The following KCNQ2 variants were observed in gnomAD, a reference collection of about 807,000 sequenced individuals.
The protein encoded by KCNQ2 is potassium voltage-gated channel subfamily KQT member 2.
Under a neutral mutation model 84.8 loss-of-function variants are expected in KCNQ2, and 14 were observed. The ratio of observed to expected loss-of-function variants is 0.17; its 90% CI spans 0.11 to 0.26. The LOEUF (loss-of-function observed/expected upper bound fraction) is 0.26, where lower values mean the gene tolerates loss of function less well. KCNQ2 is among the 10% of genes least tolerant of loss of function. The pLI, the probability that KCNQ2 is intolerant of heterozygous loss-of-function variation, is 1.00. For missense variants in KCNQ2, 788 were observed against 1,254.0 expected (o/e 0.63, Z 5.61); for synonymous variants, 599 against 554.1 (o/e 1.08, Z -1.14).
chr20:63,410,607 G>A (rs1008893936), intron 15 of KCNQ2, among the ~76,000 whole-genome samples: 1 of 152,150 alleles, frequency 6.6e-6, no homozygotes, highest in Non-Finnish European at 1.5e-5. Context: ...AACTCCGTCC[G>A]GGGCTACCCT....
chr20:63,413,039 C>T (rs2080168577), intron 15 of KCNQ2, among the ~76,000 whole-genome samples: 1 of 152,130 alleles, frequency 6.6e-6, no homozygotes, highest in Admixed American at 6.5e-5. Context: ...ATTCCATCCC[C>T]AACACACATG....
intron 10 of KCNQ2, among the ~76,000 whole-genome samples, chr20:63,427,327 A>G (rs6089911): frequency 0.3 from 45,072 of 152,280 alleles, 7,565 homozygotes; most frequent in Non-Finnish European, 0.39. Context: ...TCCACGCATG[A>G]ACCTGTGATT....
Position 63,405,044 on chromosome 20 carries a change from AG to A in KCNQ2, c.*1599del, listed in dbSNP as rs2079896833. The A allele has an allele frequency of 6.6e-6, 1 of 152,310 alleles. No homozygotes were observed. The highest frequency in any genetic ancestry group is 1.5e-5 in the Non-Finnish European group (1 of 68,128). 9.4% of individuals were successfully genotyped at this position (152,310 alleles called of 1,614,324 possible). ...CTGAGCGCCAGGACCCCCACCAGCC[AG>A]GGGCGTACGACCCTCAAATGCTGCT... On this transcript the variant is annotated 3_prime_UTR_variant, in exon 17 of 17. Coordinates refer to ENST00000359125, the MANE Select transcript of KCNQ2 (RefSeq NM_172107.4).
At position 63,401,050 on chromosome 20, in the gene KCNQ2, C is replaced by T. The variant is rs901322369; in HGVS notation, c.*5594G>A. The stretch of plus-strand genomic sequence containing the variant: ...CCGGGGACCGGCCCCTCCTTGCTGG[C>T]GCCTGGCCGAGAGTCAGACGCTGAG... On this transcript the variant is annotated 3_prime_UTR_variant, in exon 17 of 17. Transcript: ENST00000359125. The T allele has an allele frequency of 7.1e-5, 28 of 395,096 alleles. No individual in the cohort carries two copies. Among genetic ancestry groups the T allele is most frequent in the African/African-American group, 1.0e-4 (5 of 48,670 alleles). 24.5% of individuals were successfully genotyped at this position (395,096 alleles called of 1,614,324 possible). A position where few individuals can be genotyped will look rare whatever the true frequency, so the allele number is the denominator to read the frequency against.
At chr20:63,444,615 G>T in intron 4 of KCNQ2, 44 bp downstream of exon 4, 1 of 1,471,940 alleles carries the variant, frequency 6.8e-7, no homozygotes, top group Non-Finnish European at 9.1e-7. Context: ...CAGGACTCTC[G>T]CTGGCTGGGG....
intron 10 of KCNQ2, among the ~76,000 whole-genome samples, chr20:63,427,015 GC>G (rs2080654290): frequency 6.6e-6 from 1 of 152,222 alleles, no homozygotes; most frequent in African/African-American, 2.4e-5. Context: ...GAGGTCAGGA[GC>G]TTCAGACCAG....
intron 11 of KCNQ2, chr20:63,423,846 G>A (rs2080546731): frequency 7.0e-6 from 3 of 430,690 alleles, no homozygotes; most frequent in Non-Finnish European, 1.3e-5. Flanking sequence ...GCTGGAGGGA[G>A]CGCACTAACA....
At chr20:63,454,474 A>T (rs1024429999) in intron 1 of KCNQ2, among the ~76,000 whole-genome samples, 1 of 152,070 alleles carries the variant, frequency 6.6e-6, no homozygotes, top group Non-Finnish European at 1.5e-5. Context: ...CGTCTGGGGG[A>T]CGCAAAGATC....
chr20:63,461,199 C>CT (rs1015520415), intron 1 of KCNQ2, among the ~76,000 whole-genome samples: 3 of 152,180 alleles, frequency 2.0e-5, no homozygotes, highest in Non-Finnish European at 2.9e-5. Context: ...GCCAGACCCC[C>CT]TCACCCTGAC....
intron 1 of KCNQ2, among the ~76,000 whole-genome samples, chr20:63,450,034 C>T (rs2081560479): frequency 1.3e-5 from 2 of 152,030 alleles, no homozygotes; most frequent in Non-Finnish European, 2.9e-5. Flanking sequence ...CTGGAACCCG[C>T]CCGCCACCAC....
chr20:63,453,008 G>T (rs371848567), intron 1 of KCNQ2, among the ~76,000 whole-genome samples: 1 of 152,206 alleles, frequency 6.6e-6, no homozygotes, highest in Non-Finnish European at 1.5e-5. Flanking sequence ...GCAGCACCGC[G>T]TGTGGAGGCC....
At chr20:63,450,872 C>T (rs937454042) in intron 1 of KCNQ2, among the ~76,000 whole-genome samples, 1 of 152,016 alleles carries the variant, frequency 6.6e-6, no homozygotes, top group Non-Finnish European at 1.5e-5. Flanking sequence ...CCATGCATGG[C>T]GGCTCACGCA....
At chr20:63,423,516 G>A (rs965744480) in intron 11 of KCNQ2, 1 of 152,356 alleles carries the variant, frequency 6.6e-6, no homozygotes, top group East Asian at 1.9e-4. Context: ...CCCCAGCAGA[G>A]CCCTTACACG....
At position 63,446,875 on chromosome 20, in the gene KCNQ2, G is replaced by C. The variant is rs987337683; in HGVS notation, c.297-38C>G. 3 of 1,557,744 alleles carry C rather than the reference G, an allele frequency of 1.9e-6. No homozygotes were observed. The highest frequency in any genetic ancestry group is 1.7e-5 in the Admixed American group (1 of 59,918). ...AACGCGCGCTCTCAGACAGGCCGCA[G>C]CAGGGCAGCAGCATGGCTGTGTCTC... On this transcript the variant is annotated intron_variant, in intron 1 of 16. Transcript: ENST00000359125. This position sits in a 1 kb window ranked among gnomAD's most constrained non-coding sequence, Gnocchi z 5.5.
intron 1 of KCNQ2, among the ~76,000 whole-genome samples, chr20:63,457,737 A>G (rs2081840750): frequency 6.6e-6 from 1 of 152,186 alleles, no homozygotes; most frequent in Non-Finnish European, 1.5e-5. Context: ...AGCCCCCTGC[A>G]TTGCTGCAGC....
chr20:63,439,994 C>T (rs561985943), intron 5 of KCNQ2, among the ~76,000 whole-genome samples: 6 of 152,382 alleles, frequency 3.9e-5, no homozygotes, highest in South Asian at 4.1e-4. Context: ...CCACGAGGCT[C>T]GGCTAGGACA....
intron 5 of KCNQ2, among the ~76,000 whole-genome samples, chr20:63,441,326 C>T (rs2081156022): frequency 6.6e-6 from 1 of 151,516 alleles, no homozygotes; most frequent in Admixed American, 6.6e-5. Flanking sequence ...ACCAGCATCC[C>T]TATTTGCTAT....
rs2080887919 is a variant in KCNQ2, at chr20:63,433,341, TCTCA to T, written c.1118+464_1118+467del. On this transcript the variant is annotated intron_variant, in intron 8 of 16. Coordinates refer to ENST00000359125, the MANE Select transcript of KCNQ2 (RefSeq NM_172107.4). ...TAATTTGAGTTTCCTGGTCTGAAAG[TCTCA>T]CTGTGATCCGGGGTTACTTTCCTGC... 2.6e-5 allele frequency: 6 copies of T among 232,392 alleles called. No individual in the cohort carries two copies. The South Asian group carries it at 4.1e-4, about 16-fold the overall frequency. The allele number at this position is 232,392 out of a possible 1,614,324, so 14.4% of individuals were successfully genotyped here. A position where few individuals can be genotyped will look rare whatever the true frequency, so the allele number is the denominator to read the frequency against.
At position 63,406,770 on chromosome 20, in the gene KCNQ2, C is replaced by A; in HGVS notation, c.2493G>T (p.Arg831Ser). ...CTGACTCTCCCTCCGCAATGTAGGG[C>A]CTGACTTTGGCACAAGGCGCCACGG... is the stretch of plus-strand genomic sequence containing the variant. ...YAAVAPCAKV[R>S]PYIAEGESDT... The change falls in exon 17 of 17, where the codon AGG becomes AGT. Residue 831 changes from arginine to serine, a missense_variant. This residue lies in a region of KCNQ2 where 378 missense variants were observed against 434.5 expected (regional missense o/e 0.87). Transcript: ENST00000359125. The A allele has an allele frequency of 6.2e-7, 1 of 1,612,524 alleles. No individual in the cohort carries two copies. The highest frequency in any genetic ancestry group is 1.3e-5 in the African/African-American group (1 of 75,064).
Sources: gnomAD v4.1 joint callset for allele counts (sites outside exome capture counted in the v4.1 genomes callset) on GRCh38, gnomAD v4.1.1 for gene constraint, gnomAD v4.1.1 regional missense constraint, Gnocchi (gnomAD v3.1) non-coding constraint, MANE v1.5 for transcripts, NCBI Gene and HGNC (gene_info 2026-07-23, HGNC 2026-07-21) for gene names.